Variants in FRMD4A observed in about 807,000 individuals in gnomAD.
The protein encoded by FRMD4A is FERM domain containing 4A, also known as FERM domain-containing protein 4A.
A neutral mutation model predicts 129.1 loss-of-function variants in FRMD4A; 29 were observed. That is an observed-to-expected ratio of 0.22 (90% CI 0.17 to 0.31). The LOEUF (loss-of-function observed/expected upper bound fraction) is 0.31. FRMD4A is among the 10% of genes least tolerant of loss of function. FRMD4A has a pLI of 1.00. For synonymous variants in FRMD4A, 634 were observed against 571.6 expected, an observed-to-expected ratio of 1.11 and a Z score of -1.56; for missense variants, 1,272 against 1,375.8, an observed-to-expected ratio of 0.92 and a Z score of 1.19.
intron 2 of FRMD4A, among the ~76,000 whole-genome samples, chr10:14,254,850 C>T (rs1844556587): frequency 6.6e-6 from 1 of 151,912 alleles, no homozygotes; most frequent in Non-Finnish European, 1.5e-5. Context: ...GGTAGTAATG[C>T]AGGAAGAGCT....
intron 15 of FRMD4A, among the ~76,000 whole-genome samples, chr10:13,690,231 G>C (rs953150216): frequency 6.6e-6 from 1 of 152,194 alleles, no homozygotes; most frequent in Non-Finnish European, 1.5e-5. Flanking sequence ...CTAGGCAAGA[G>C]GGCAGAAAGG....
intron 2 of FRMD4A, among the ~76,000 whole-genome samples, chr10:13,896,365 T>C (rs1320586022): frequency 9.2e-5 from 14 of 152,200 alleles, no homozygotes; most frequent in African/African-American, 3.4e-4. Context: ...TCATATCCTT[T>C]GCAGAGACAT....
intron 8 of FRMD4A, among the ~76,000 whole-genome samples, chr10:13,751,926 G>A (rs561369060): frequency 1.3e-5 from 2 of 152,254 alleles, no homozygotes; most frequent in African/African-American, 4.8e-5. Context: ...TAAAGTGGGA[G>A]GATTGCTTGA....
intron 2 of FRMD4A, among the ~76,000 whole-genome samples, chr10:14,041,990 G>T (rs1833796483): frequency 6.6e-6 from 1 of 152,196 alleles, no homozygotes. Context: ...CCTTATTCCA[G>T]TAGGTTCACT....
intron 2 of FRMD4A, among the ~76,000 whole-genome samples, chr10:14,124,821 T>G (rs1020491997): frequency 6.6e-6 from 1 of 152,230 alleles, no homozygotes; most frequent in African/African-American, 2.4e-5. Flanking sequence ...TTACCTTTCC[T>G]GGCCTCATTT....
At chr10:14,166,805 C>A (rs1841204431) in intron 2 of FRMD4A, among the ~76,000 whole-genome samples, 1 of 152,234 alleles carries the variant, frequency 6.6e-6, no homozygotes, top group South Asian at 2.1e-4. Context: ...GGAGATAGTT[C>A]TACCCTGGTT....
intron 16 of FRMD4A, among the ~76,000 whole-genome samples, chr10:13,674,275 G>A (rs1197743999): frequency 6.6e-6 from 1 of 152,138 alleles, no homozygotes; most frequent in East Asian, 1.9e-4. Context: ...AATAAACTCA[G>A]GCACAAAATC....
chr10:14,125,755 G>GCA (rs925574746), intron 2 of FRMD4A, among the ~76,000 whole-genome samples: 37 of 131,856 alleles, frequency 2.8e-4, no homozygotes, highest in African/African-American at 5.9e-4. Context: ...ACACTCATGC[G>GCA]CACGCGCACA....
At position 13,682,657 on chromosome 10, in the gene FRMD4A, C is replaced by T. The variant is rs565155733; in HGVS notation, c.1118-7613G>A. Among the ~76,000 whole-genome samples the T allele has an allele frequency of 4.9e-4, 75 of 151,854 alleles. 1 individual carries two copies. Among genetic ancestry groups the T allele is most frequent in the African/African-American group, 1.7e-3 (72 of 41,430 alleles). On this transcript the variant is annotated intron_variant, in intron 15 of 24. Coordinates refer to ENST00000357447, the MANE Select transcript of FRMD4A (RefSeq NM_018027.5). ...CTGGGACCACAGGCACACGCCACCA[C>T]GCCCGGCTAATTTTTATATTTTTAG...
chr10:13,940,831 G>A (rs2095285974), intron 2 of FRMD4A, among the ~76,000 whole-genome samples: 1 of 152,156 alleles, frequency 6.6e-6, no homozygotes, highest in South Asian at 2.1e-4. Context: ...GCTCAGAAAT[G>A]TCTTTACGAT....
chr10:13,967,470 A>T (rs1308203344), intron 2 of FRMD4A, among the ~76,000 whole-genome samples: 4 of 152,210 alleles, frequency 2.6e-5, no homozygotes, highest in African/African-American at 9.7e-5. Flanking sequence ...AAATCTCACA[A>T]ACCACCGGTG....
chr10:13,721,415 G>A (rs796089558), intron 12 of FRMD4A, among the ~76,000 whole-genome samples: 7 of 152,286 alleles, frequency 4.6e-5, no homozygotes, highest in African/African-American at 1.7e-4. Context: ...CCAGGAGGCA[G>A]AGGTTGCAGT....
intron 2 of FRMD4A, among the ~76,000 whole-genome samples, chr10:14,317,756 G>GGAAA (rs573727684): frequency 2.4e-5 from 3 of 123,370 alleles, no homozygotes; most frequent in African/African-American, 9.3e-5. Context: ...ACAAGAGACG[G>GGAAA]AAAAAAAAAA....
chr10:13,763,784 G>A (rs1390731963), intron 6 of FRMD4A, among the ~76,000 whole-genome samples: 1 of 152,050 alleles, frequency 6.6e-6, no homozygotes, highest in African/African-American at 2.4e-5. Context: ...CACCCAAGCT[G>A]GAGTGCAGTG....
chr10:13,680,845 A>G (rs1417336005), intron 15 of FRMD4A, among the ~76,000 whole-genome samples: 1 of 151,526 alleles, frequency 6.6e-6, no homozygotes, highest in Non-Finnish European at 1.5e-5. Context: ...CTAGGAGTTC[A>G]AGACCAGCCT....
At chr10:13,743,741 C>T (rs997826974) in intron 9 of FRMD4A, among the ~76,000 whole-genome samples, 3 of 152,088 alleles carry the variant, frequency 2.0e-5, no homozygotes, top group African/African-American at 7.2e-5. Context: ...TCAGCTTTTC[C>T]TGCTTGTTTT....
rs574291889 is a variant in FRMD4A, at chr10:14,273,162, T to A, written c.45+56896A>T. On this transcript the variant is annotated intron_variant, in intron 2 of 24. Transcript: ENST00000357447. ...GTCCCAGCTACTCAGGAAGCTAAGGTGGGAGGATTGCTTGAGCTTGGGAGG... is the reference window on the plus strand; with the variant it reads ...GTCCCAGCTACTCAGGAAGCTAAGGAGGGAGGATTGCTTGAGCTTGGGAGG... 7.3e-5 allele frequency among the ~76,000 whole-genome samples: 11 copies of A among 151,514 alleles called. No individual in the cohort carries two copies. The South Asian group carries it at 1.9e-3, about 26-fold the overall frequency.
At chr10:13,895,910 A>G (rs2094752610) in intron 2 of FRMD4A, among the ~76,000 whole-genome samples, 2 of 152,226 alleles carry the variant, frequency 1.3e-5, no homozygotes, top group African/African-American at 4.8e-5. Flanking sequence ...CAACAAACAT[A>G]TGAAAAAAAT....
intron 2 of FRMD4A, among the ~76,000 whole-genome samples, chr10:14,238,979 G>A (rs1300608066): frequency 1.3e-5 from 2 of 152,274 alleles, no homozygotes; most frequent in South Asian, 2.1e-4. Context: ...CTGTAAATAG[G>A]AGGTGCTTTT....
Sources: gnomAD v4.1 joint callset for allele counts (sites outside exome capture counted in the v4.1 genomes callset) on GRCh38, gnomAD v4.1.1 for gene constraint, MANE v1.5 for transcripts, NCBI Gene and HGNC (gene_info 2026-07-23, HGNC 2026-07-21) for gene names.